Variants in FSHR observed in about 807,000 individuals in gnomAD.
FSHR encodes follicle stimulating hormone receptor, also known as follicle-stimulating hormone receptor.
A neutral mutation model predicts 52.1 loss-of-function variants in FSHR; 46 were observed. The ratio of observed to expected loss-of-function variants is 0.88; its 90% confidence interval spans 0.70 to 1.13. FSHR has a LOEUF of 1.13. Ranked by LOEUF, FSHR falls within the 50% of genes most tolerant of loss-of-function variation. FSHR has a pLI of 0.00. For missense variants in FSHR, 964 were observed against 834.6 expected (o/e 1.16, Z -1.91); for synonymous variants, 399 against 309.6 (o/e 1.29, Z -3.03).
At chr2:49,094,341 C>T (rs1298171555) in intron 1 of FSHR, among the ~76,000 whole-genome samples, 1 of 152,070 alleles carries the variant, frequency 6.6e-6, no homozygotes, top group Admixed American at 6.6e-5. Context: ...CTTTCAACTG[C>T]CAAATACATA....
intron 4 of FSHR, among the ~76,000 whole-genome samples, chr2:49,005,089 G>C (rs1008136343): frequency 6.6e-6 from 1 of 152,092 alleles, no homozygotes; most frequent in African/African-American, 2.4e-5. Flanking sequence ...GAGAATATCA[G>C]AGTCTGAATA....
intron 2 of FSHR, among the ~76,000 whole-genome samples, chr2:49,047,864 T>C (rs745532088): frequency 3.9e-5 from 6 of 152,168 alleles, no homozygotes; most frequent in Non-Finnish European, 8.8e-5. Flanking sequence ...TATCAAAACT[T>C]CAGGTTGTAC....
intron 2 of FSHR, among the ~76,000 whole-genome samples, chr2:49,046,459 C>T (rs1668657920): frequency 6.6e-6 from 1 of 152,150 alleles, no homozygotes; most frequent in African/African-American, 2.4e-5. Context: ...AGTCACATAA[C>T]CACTTTGGCT....
At chr2:48,970,954 C>G (rs557835475) in intron 8 of FSHR, among the ~76,000 whole-genome samples, 100 of 152,264 alleles carry the variant, frequency 6.6e-4, no homozygotes, top group Middle Eastern at 3.4e-3. Flanking sequence ...TGACTTTGGT[C>G]TAAGTCACCA....
chr2:49,122,774 G>A (rs143959654), intron 1 of FSHR, among the ~76,000 whole-genome samples: 1 of 152,184 alleles, frequency 6.6e-6, no homozygotes, highest in South Asian at 2.1e-4. Flanking sequence ...AAGAGGGCTG[G>A]CTCACTTCTG....
chr2:49,077,241 T>TTCTTGACTTTTGTGTA (rs1300451331), intron 1 of FSHR, among the ~76,000 whole-genome samples: 1 of 152,218 alleles, frequency 6.6e-6, no homozygotes, highest in African/African-American at 2.4e-5. Flanking sequence ...CGAACCTCAA[T>TTCTTGACTTTTGTGTA]TCTTGACTTT....
At chr2:49,019,973 A>C (rs1667629530) in intron 3 of FSHR, 113 bp downstream of exon 3, 2 of 915,802 alleles carry the variant, frequency 2.2e-6, no homozygotes, top group East Asian at 4.8e-5. Context: ...TCTTATAATG[A>C]CAATCTAGGG....
intron 1 of FSHR, among the ~76,000 whole-genome samples, chr2:49,085,524 A>C (rs930263911): frequency 6.6e-6 from 1 of 152,192 alleles, no homozygotes; most frequent in Non-Finnish European, 1.5e-5. Flanking sequence ...ACTTCCAACT[A>C]TGTGGTCAAT....
At chr2:49,049,627 G>T (rs868627330) in intron 2 of FSHR, among the ~76,000 whole-genome samples, 1 of 152,002 alleles carries the variant, frequency 6.6e-6, no homozygotes, top group Non-Finnish European at 1.5e-5. Flanking sequence ...CTCACAGTGG[G>T]CCTCCTGCCT....
intron 1 of FSHR, among the ~76,000 whole-genome samples, chr2:49,086,563 G>C (rs938734832): frequency 2.6e-5 from 4 of 152,218 alleles, no homozygotes; most frequent in Non-Finnish European, 5.9e-5. Flanking sequence ...ACCTGCGGAA[G>C]ATTTTTCATA....
chr2:49,086,279 G>A (rs554768220), intron 1 of FSHR, among the ~76,000 whole-genome samples: 2 of 152,260 alleles, frequency 1.3e-5, no homozygotes, highest in Non-Finnish European at 2.9e-5. Flanking sequence ...TTTACATTGT[G>A]AGAGTTCATC....
intron 2 of FSHR, among the ~76,000 whole-genome samples, chr2:49,039,674 CT>C (rs1558405575): frequency 6.6e-6 from 1 of 152,178 alleles, no homozygotes; most frequent in Non-Finnish European, 1.5e-5. Flanking sequence ...GTGAGTTCTG[CT>C]TTCCTTGATC....
intron 1 of FSHR, among the ~76,000 whole-genome samples, chr2:49,089,761 C>A (rs919389677): frequency 6.6e-6 from 1 of 152,052 alleles, no homozygotes; most frequent in Non-Finnish European, 1.5e-5. Flanking sequence ...AGCTATTGAT[C>A]TAAAAAATAA....
chr2:49,005,985 A>C (rs1363880341), intron 4 of FSHR, among the ~76,000 whole-genome samples: 4 of 152,116 alleles, frequency 2.6e-5, no homozygotes, highest in Admixed American at 6.6e-5. Flanking sequence ...CAGGCAGAAA[A>C]AACGTGAAAA....
At chr2:49,134,461 T>C (rs1023198004) in intron 1 of FSHR, among the ~76,000 whole-genome samples, 1 of 152,206 alleles carries the variant, frequency 6.6e-6, no homozygotes, top group African/African-American at 2.4e-5. Flanking sequence ...TTTTACACTG[T>C]TGGTGGGACT....
chr2:49,067,151 C>T (rs1235469923), intron 2 of FSHR, among the ~76,000 whole-genome samples: 1 of 152,096 alleles, frequency 6.6e-6, no homozygotes, highest in Non-Finnish European at 1.5e-5. Flanking sequence ...AACCAGGGCC[C>T]TGAAAGATAA....
intron 1 of FSHR, among the ~76,000 whole-genome samples, chr2:49,074,013 C>T (rs1282185740): frequency 6.6e-6 from 1 of 151,948 alleles, no homozygotes; most frequent in Non-Finnish European, 1.5e-5. Context: ...TATACTTCCA[C>T]CTCTCATTCT....
rs376034446 is a variant in FSHR, at chr2:48,982,996, G to C, written c.594-10C>G. 76 of 1,613,316 alleles carry C rather than the reference G, an allele frequency of 4.7e-5. No homozygotes were observed. The African/African-American group carries it at 9.2e-4, about 20-fold the overall frequency. On this transcript the variant is annotated splice_polypyrimidine_tract_variant and intron_variant, in intron 7 of 9. Transcript: ENST00000406846. The stretch of plus-strand genomic sequence containing the variant: ...ATTATCGCTTAGATTCCTGGGGATG[G>C]GGTTGAGGAAAGAAGAAGGAAAACA...
intron 9 of FSHR, among the ~76,000 whole-genome samples, chr2:48,966,687 T>G (rs1160383572): frequency 6.6e-6 from 1 of 152,240 alleles, no homozygotes; most frequent in Non-Finnish European, 1.5e-5. Flanking sequence ...AAATCTGAAA[T>G]TATCTTCTGA....
Sources: gnomAD v4.1 joint callset for allele counts (sites outside exome capture counted in the v4.1 genomes callset) on GRCh38, gnomAD v4.1.1 for gene constraint, MANE v1.5 for transcripts, NCBI Gene and HGNC (gene_info 2026-07-23, HGNC 2026-07-21) for gene names.